LAT2: variants seen among roughly 807,000 people sequenced by gnomAD.
LAT2 encodes linker for activation of T cells family member 2, also known as linker for activation of T-cells family member 2.
LAT2 carries 23 observed loss-of-function variants against 43.4 expected under a neutral mutation model. The observed-to-expected ratio is 0.53, with a 90% CI of 0.38 to 0.75. LAT2 has a LOEUF of 0.75. LAT2 is among the 30% of genes least tolerant of loss of function. The probability of loss-of-function intolerance (pLI) is 0.00; values close to 1 mark genes in which losing one functional copy is unlikely to be tolerated. For synonymous variants in LAT2, 128 were observed against 123.2 expected, an observed-to-expected ratio of 1.04 and a Z score of -0.26; for missense variants, 284 against 310.2, an observed-to-expected ratio of 0.92 and a Z score of 0.64.
Position 74,229,100 on chromosome 7 carries a change from G to A in LAT2, c.*175G>A, listed in dbSNP as rs1208627022. 1 of 152,206 alleles carries A rather than the reference G, an allele frequency of 6.6e-6. No individual in the cohort carries two copies. Among genetic ancestry groups the A allele is most frequent in the Non-Finnish European group, 1.5e-5 (1 of 68,074 alleles). The allele number at this position is 152,206 out of a possible 1,614,324, so 9.4% of individuals were successfully genotyped here. ...CCACCTGGCCATGCGTGCACAGCCT[G>A]GGAAAAGACAGTTACTCACGGGAGC... On this transcript the variant is annotated 3_prime_UTR_variant, in exon 14 of 14. Coordinates refer to ENST00000460943, the MANE Select transcript of LAT2 (RefSeq NM_032464.3).
At chr7:74,219,448 C>A (rs1283660689) in intron 4 of LAT2, among the ~76,000 whole-genome samples, 1 of 152,220 alleles carries the variant, frequency 6.6e-6, no homozygotes, top group African/African-American at 2.4e-5. Context: ...CTGGGACCCA[C>A]CGGCAGGATG....
chr7:74,213,659 G>T (rs964038174), intron 1 of LAT2, among the ~76,000 whole-genome samples: 1 of 151,408 alleles, frequency 6.6e-6, no homozygotes, highest in Non-Finnish European at 1.5e-5. Context: ...TCCCGACCTC[G>T]TGATCTGCCC....
rs781903165 is a variant in LAT2 at position 74,219,776 on chromosome 7, G to A, written c.167G>A (p.Arg56Gln). Reference protein sequence around the residue: ...REDQQSFTGSRTYSLVGQAWP... With the variant: ...REDQQSFTGSQTYSLVGQAWP... ...GACCAACAGAGCTTTACGGGGTCCC[G>A]GACCTACTCCTGTGAGTCTCCAAGT... The change falls in exon 5 of 14, where the codon CGG becomes CAG. Residue 56 changes from arginine to glutamine, a missense_variant. Coordinates refer to ENST00000460943, the MANE Select transcript of LAT2 (RefSeq NM_032464.3). The A allele has an allele frequency of 2.3e-5, 37 of 1,613,986 alleles. No homozygotes were observed. Among genetic ancestry groups the A allele is most frequent in the East Asian group, 4.5e-5 (2 of 44,900 alleles).
intron 13 of LAT2, among the ~76,000 whole-genome samples, chr7:74,228,239 G>A (rs1554716406): frequency 1.4e-5 from 2 of 145,380 alleles, no homozygotes; most frequent in Admixed American, 6.9e-5. Flanking sequence ...CACTTTGGGA[G>A]GCTGAGGCGG....
intron 1 of LAT2, among the ~76,000 whole-genome samples, chr7:74,212,441 C>G (rs1554713280): frequency 6.6e-6 from 1 of 151,974 alleles, no homozygotes; most frequent in Non-Finnish European, 1.5e-5. Flanking sequence ...ACCTCCACGC[C>G]TGGCTAATTT....
rs1471759550 is a variant in LAT2, at chr7:74,214,778, T to C, written c.-218-44T>C. On this transcript the variant is annotated intron_variant, in intron 1 of 13. Transcript: ENST00000460943. ...ATATATATAAACATATATATATAAA[T>C]ATATATATATATATTTTTTTTTTTT... 349 of 79,958 alleles carry C rather than the reference T, an allele frequency of 4.4e-3. 9 individuals are homozygous for C. Among genetic ancestry groups the C allele is most frequent in the African/African-American group, 0.021 (328 of 15,540 alleles). The allele number at this position is 79,958 out of a possible 1,614,324, so 5.0% of individuals were successfully genotyped here.
intron 1 of LAT2, among the ~76,000 whole-genome samples, chr7:74,212,937 A>G (rs1801779326): frequency 6.6e-6 from 1 of 152,016 alleles, no homozygotes; most frequent in Non-Finnish European, 1.5e-5. Context: ...TGCGCCTCTT[A>G]CAGAGGCTCA....
chr7:74,222,230 C>CAAA (rs113312443), intron 10 of LAT2, among the ~76,000 whole-genome samples: 6 of 65,588 alleles, frequency 9.1e-5, no homozygotes, highest in Admixed American at 1.8e-4. Context: ...TACAAAAATA[C>CAAA]AAAAAAAAAA....
intron 3 of LAT2, 62 bp from the exon 4 acceptor site, chr7:74,216,763 G>A: frequency 7.0e-7 from 1 of 1,428,962 alleles, no homozygotes. Context: ...ATGGCGGGGG[G>A]TGTCTGACCT....
At chr7:74,223,475 CAAGACCGTCTCAACAAGA>C (rs1194624184) in intron 10 of LAT2, among the ~76,000 whole-genome samples, 2 of 152,124 alleles carry the variant, frequency 1.3e-5, no homozygotes, top group Non-Finnish European at 2.9e-5. Flanking sequence ...GGTGACAGAG[CAAGACCGTCTCAACAAGA>C]AACAAAGAAG....
intron 1 of LAT2, among the ~76,000 whole-genome samples, chr7:74,214,307 A>AAT (rs1278324029): frequency 1.5e-5 from 1 of 66,408 alleles, no homozygotes; most frequent in African/African-American, 6.6e-5. Context: ...TATATATATA[A>AAT]ATATATATAT....
chr7:74,216,118 A>G (rs2116122062), intron 3 of LAT2, 49 bp downstream of exon 3: 1 of 1,472,456 alleles, frequency 6.8e-7, no homozygotes, highest in African/African-American at 1.4e-5. Flanking sequence ...TGGACAGTGC[A>G]TCTCAGAGGC....
intron 1 of LAT2, among the ~76,000 whole-genome samples, chr7:74,214,298 A>G (rs1259215716): frequency 4.2e-5 from 3 of 70,810 alleles, no homozygotes; most frequent in Non-Finnish European, 7.1e-5. Context: ...ATATGAAAAT[A>G]TATATATAAA....
intron 1 of LAT2, among the ~76,000 whole-genome samples, chr7:74,213,658 C>CAA (rs1170222133): frequency 2.6e-5 from 4 of 151,950 alleles, no homozygotes; most frequent in Non-Finnish European, 5.9e-5. Context: ...CTCCCGACCT[C>CAA]GTGATCTGCC....
chr7:74,228,038 T>C lies in LAT2; in HGVS notation c.*19-906T>C, dbSNP rs575273780. 1.1e-4 allele frequency among the ~76,000 whole-genome samples: 17 copies of C among 148,544 alleles called. 1 individual carries two copies. In the South Asian group the frequency reaches 3.0e-3, roughly 26 times the overall value. On this transcript the variant is annotated intron_variant, in intron 13 of 13. Coordinates refer to ENST00000460943, the MANE Select transcript of LAT2 (RefSeq NM_032464.3). ...TAAAAATACAAAAATTAGCCAGGTG[T>C]GGTGGCGTGTGCCTGTAATCCCAGC...
In LAT2 at chr7:74,229,230, G is replaced by C. The variant is rs1473432011; in HGVS notation, c.*305G>C. 4.6e-5 allele frequency: 7 copies of C among 152,284 alleles called. No homozygotes were observed. The highest frequency in any genetic ancestry group is 1.7e-4 in the African/African-American group (7 of 41,438). 9.4% of individuals were successfully genotyped at this position (152,284 alleles called of 1,614,324 possible). A position where few individuals can be genotyped will look rare whatever the true frequency, so the allele number is the denominator to read the frequency against. ...GTATGGACGGATGCGCAGGATTTAGGATAAGCTGTCACCCAGTCCCCATAA... is the reference window on the plus strand; with the variant it reads ...GTATGGACGGATGCGCAGGATTTAGCATAAGCTGTCACCCAGTCCCCATAA... On this transcript the variant is annotated 3_prime_UTR_variant, in exon 14 of 14. Coordinates refer to ENST00000460943, the MANE Select transcript of LAT2 (RefSeq NM_032464.3).
chr7:74,216,706 G>C (rs1446087390), intron 3 of LAT2, 119 bp from the exon 4 acceptor site: 1 of 747,036 alleles, frequency 1.3e-6, no homozygotes, highest in Non-Finnish European at 2.3e-6. Flanking sequence ...GGTGATGATT[G>C]ACAGTTTGGC....
chr7:74,214,642 G>A (rs1456472555), intron 1 of LAT2, among the ~76,000 whole-genome samples, 180 bp from the exon 2 acceptor site: 17 of 28,304 alleles, frequency 6.0e-4, no homozygotes, highest in Non-Finnish European at 7.8e-4. Flanking sequence ...ATATATATAT[G>A]AAAATATATA....
chr7:74,214,281 A>AT (rs1801883190), intron 1 of LAT2, among the ~76,000 whole-genome samples: 2 of 84,430 alleles, frequency 2.4e-5, no homozygotes, highest in Non-Finnish European at 4.0e-5. Context: ...TATATATATA[A>AT]ATATATATAT....
Sources: allele counts gnomAD v4.1 joint callset (sites outside exome capture counted in the v4.1 genomes callset), GRCh38; gene constraint gnomAD v4.1.1; transcripts MANE v1.5; gene names NCBI Gene and HGNC (gene_info 2026-07-23, HGNC 2026-07-21).